DCAF8L2: variants seen among roughly 807,000 people sequenced by gnomAD.
The protein encoded by DCAF8L2 is DDB1- and CUL4-associated factor 8-like protein 2.
For synonymous variants in DCAF8L2, 200 were observed against 190.9 expected (o/e 1.05, Z -0.39); for missense variants, 430 against 490.7 (o/e 0.88, Z 1.17).
the DCAF8L2 span, among the ~76,000 whole-genome samples, chrX:27,581,491 G>A: frequency 9.0e-6 from 1 of 111,549 alleles, no homozygotes; most frequent in South Asian, 3.7e-4. Context: ...ATTTGTTGAG[G>A]CCTCCGTGAT....
At chrX:27,743,530 TG>T (rs1381339907) in intron 4 of DCAF8L2, among the ~76,000 whole-genome samples, 1 of 108,284 alleles carries the variant, frequency 9.2e-6, no homozygotes, top group Non-Finnish European at 1.9e-5. Context: ...CCCGAGTAGC[TG>T]GGACCACATT....
the DCAF8L2 span, among the ~76,000 whole-genome samples, chrX:27,510,723 G>T: frequency 6.3e-5 from 7 of 110,378 alleles, no homozygotes; most frequent in Non-Finnish European, 1.3e-4. Flanking sequence ...AGAACATCAA[G>T]AATGATTATT....
At chrX:27,697,781 G>C (rs10465372) in intron 3 of DCAF8L2, among the ~76,000 whole-genome samples, 11,048 of 109,480 alleles carry the variant, frequency 0.1, 605 homozygotes, top group East Asian at 0.35. Context: ...TTTATAATCA[G>C]GCTATCTACT....
Position 27,748,968 on chromosome X carries a change from C to G in DCAF8L2, c.*177C>G, listed in dbSNP as rs185139233. 6 of 583,851 alleles carry G rather than the reference C, an allele frequency of 1.0e-5. No homozygotes were observed. In the East Asian group the frequency reaches 2.2e-4, roughly 21 times the overall value. 48.1% of individuals were successfully genotyped at this position (583,851 alleles called of 1,213,427 possible). A position where few individuals can be genotyped will look rare whatever the true frequency, so the allele number is the denominator to read the frequency against. On this transcript the variant is annotated 3_prime_UTR_variant, in exon 5 of 5. Transcript: ENST00000451261. ...TCCTCTCTACTTTCCTTTCTTTCTT[C>G]CACACATTCTTTCTCTCATTCCTTT...
At chrX:27,558,043 T>C in the DCAF8L2 span, among the ~76,000 whole-genome samples, 26 of 111,222 alleles carry the variant, frequency 2.3e-4, no homozygotes, top group Middle Eastern at 0.023. Context: ...CTACCATATA[T>C]GTTGGGCTTA....
the DCAF8L2 span, among the ~76,000 whole-genome samples, chrX:27,486,251 C>T: frequency 3.6e-5 from 4 of 109,813 alleles, no homozygotes; most frequent in African/African-American, 1.3e-4. Flanking sequence ...GGTGATCCAC[C>T]CACCTCGGCC....
intron 1 of DCAF8L2, among the ~76,000 whole-genome samples, chrX:27,610,408 T>C (rs914393568): frequency 9.0e-6 from 1 of 110,849 alleles, no homozygotes; most frequent in Non-Finnish European, 1.9e-5. Context: ...TGTGTGTGTG[T>C]GTGTGCGTGA....
At chrX:27,648,782 G>GTATA (rs1339230633) in intron 2 of DCAF8L2, among the ~76,000 whole-genome samples, 3 of 111,206 alleles carry the variant, frequency 2.7e-5, no homozygotes, top group Non-Finnish European at 5.7e-5. Context: ...ACAACTGTTA[G>GTATA]TATAATAAGC....
chrX:27,676,749 G>A (rs1930151314), intron 2 of DCAF8L2, among the ~76,000 whole-genome samples: 1 of 111,600 alleles, frequency 9.0e-6, no homozygotes, highest in African/African-American at 3.3e-5. Flanking sequence ...AATTATTGTA[G>A]CTCTTGGCAT....
At chrX:27,533,226 G>GAA in the DCAF8L2 span, among the ~76,000 whole-genome samples, 1 of 42,527 alleles carries the variant, frequency 2.4e-5, no homozygotes, top group Non-Finnish European at 5.5e-5. Context: ...AAGAAAGAAA[G>GAA]AAAGAAAGAG....
chrX:27,681,204 TACACAC>T (rs750698716), intron 3 of DCAF8L2, among the ~76,000 whole-genome samples: 44 of 106,727 alleles, frequency 4.1e-4, no homozygotes, highest in Admixed American at 1.0e-3. Context: ...AGAAATTAAA[TACACAC>T]ACACACACAC....
intron 1 of DCAF8L2, among the ~76,000 whole-genome samples, chrX:27,616,765 G>C (rs962989598): frequency 3.6e-5 from 4 of 111,108 alleles, no homozygotes; most frequent in African/African-American, 1.3e-4. Flanking sequence ...ATCTCTGGGG[G>C]TAATTGTCCT....
At chrX:27,487,404 C>A in the DCAF8L2 span, among the ~76,000 whole-genome samples, 1 of 111,608 alleles carries the variant, frequency 9.0e-6, no homozygotes, top group Admixed American at 9.5e-5. Flanking sequence ...GCCTCAGCCT[C>A]CCGAGAAGCC....
chrX:27,732,960 C>T lies in DCAF8L2; in HGVS notation c.-58-13878C>T, dbSNP rs896484202. On this transcript the variant is annotated intron_variant, in intron 4 of 4. Transcript: ENST00000451261. ...GCAACCTCCACCTCCCGGGTTCAAG[C>T]GATTCTCCTGCCTCAGCCTCCTGAG... is the stretch of plus-strand genomic sequence containing the variant. 3.6e-5 allele frequency among the ~76,000 whole-genome samples: 4 copies of T among 110,949 alleles called. No homozygotes were observed. The Admixed American group carries it at 3.8e-4, about 11-fold the overall frequency.
intron 4 of DCAF8L2, among the ~76,000 whole-genome samples, chrX:27,731,252 A>T (rs1304241123): frequency 9.1e-6 from 1 of 110,214 alleles, no homozygotes; most frequent in African/African-American, 3.3e-5. Flanking sequence ...TAAAAAAAAA[A>T]ATACAAAAAT....
chrX:27,518,168 G>A, the DCAF8L2 span: 7 of 906,567 alleles, frequency 7.7e-6, no homozygotes, highest in Non-Finnish European at 1.1e-5. Context: ...GAAATATATT[G>A]CCCGCCAGAA....
At chrX:27,668,841 A>G (rs1306143036) in intron 2 of DCAF8L2, among the ~76,000 whole-genome samples, 3 of 110,198 alleles carry the variant, frequency 2.7e-5, no homozygotes, top group Non-Finnish European at 5.7e-5. Context: ...TAATCCCAGC[A>G]GGAGAATCGC....
the DCAF8L2 span, among the ~76,000 whole-genome samples, chrX:27,581,833 C>A: frequency 1.8e-5 from 2 of 112,207 alleles, no homozygotes; most frequent in South Asian, 7.4e-4. Flanking sequence ...ATCCGCCCAC[C>A]TCGGCATCCC....
At chrX:27,539,656 C>T in the DCAF8L2 span, among the ~76,000 whole-genome samples, 808 of 111,313 alleles carry the variant, frequency 7.3e-3, 8 homozygotes, top group African/African-American at 0.025. Flanking sequence ...CATTCTGTGT[C>T]TGTGTGTATG....
Sources: gnomAD v4.1 joint callset for allele counts (sites outside exome capture counted in the v4.1 genomes callset) on GRCh38, gnomAD v4.1.1 for gene constraint, MANE v1.5 for transcripts, NCBI Gene and HGNC (gene_info 2026-07-23, HGNC 2026-07-21) for gene names.